The following CTTNBP2NL variants were observed in gnomAD, a reference collection of about 807,000 sequenced individuals.
CTTNBP2NL encodes CTTNBP2 N-terminal-like protein.
Under a neutral mutation model 32.5 loss-of-function variants are expected in CTTNBP2NL, and 16 were observed. That is an observed-to-expected ratio of 0.49 (90% CI 0.33 to 0.75). The LOEUF (loss-of-function observed/expected upper bound fraction) is 0.75, where lower values mean the gene tolerates loss of function less well. Ranked by LOEUF, CTTNBP2NL falls within the 30% of genes least tolerant of loss-of-function variation. CTTNBP2NL has a pLI of 0.02. For synonymous variants in CTTNBP2NL, 298 were observed against 289.4 expected, an observed-to-expected ratio of 1.03 and a Z score of -0.30; for missense variants, 645 against 756.0, an observed-to-expected ratio of 0.85 and a Z score of 1.72.
chr1:112,420,869 C>T (rs891872340), intron 3 of CTTNBP2NL, among the ~76,000 whole-genome samples: 1 of 152,188 alleles, frequency 6.6e-6, no homozygotes, highest in African/African-American at 2.4e-5. Context: ...TCAACCAGAA[C>T]ATTCAATTAA....
chr1:112,448,932 T>G lies in CTTNBP2NL; in HGVS notation c.100-10T>G. 2 of 1,547,704 alleles carry G rather than the reference T, an allele frequency of 1.3e-6. No individual in the cohort carries two copies. The highest frequency in any genetic ancestry group is 8.9e-7 in the Non-Finnish European group (1 of 1,122,546). On this transcript the variant is annotated splice_polypyrimidine_tract_variant and intron_variant, in intron 3 of 5. Transcript: ENST00000271277. ...AAAGCAAGATGCTTATTTTTTTTCC[T>G]CTTTCCCAGGCCCAACACAGAGATA... is the stretch of plus-strand genomic sequence containing the variant.
intron 3 of CTTNBP2NL, among the ~76,000 whole-genome samples, chr1:112,438,633 T>A (rs1200711176): frequency 6.6e-6 from 1 of 152,200 alleles, no homozygotes; most frequent in Admixed American, 6.6e-5. Context: ...CCTTACCTTT[T>A]GCCAGCTTTC....
intron 3 of CTTNBP2NL, among the ~76,000 whole-genome samples, chr1:112,446,681 G>A (rs1006909311): frequency 6.6e-6 from 1 of 152,160 alleles, no homozygotes; most frequent in Non-Finnish European, 1.5e-5. Flanking sequence ...CTCCCAAGTA[G>A]CTGGGGCTAC....
intron 3 of CTTNBP2NL, among the ~76,000 whole-genome samples, chr1:112,436,385 G>A (rs905079058): frequency 1.3e-5 from 2 of 152,174 alleles, no homozygotes; most frequent in African/African-American, 4.8e-5. Flanking sequence ...GAGGGTCTTG[G>A]TTATTCTAAT....
chr1:112,408,220 A>ATTTTTTTTTTTTTTTTTTTTTTTTTTT (rs397981257), intron 1 of CTTNBP2NL, among the ~76,000 whole-genome samples: 8 of 103,762 alleles, frequency 7.7e-5, no homozygotes, highest in African/African-American at 1.7e-4. Context: ...TTTTTTTTTA[A>ATTTTTTTTTTTTTTTTTTTTTTTTTTT]TTTTTTTTTT....
chr1:112,424,983 ATT>A (rs1239412500), intron 3 of CTTNBP2NL, among the ~76,000 whole-genome samples: 22 of 134,290 alleles, frequency 1.6e-4, no homozygotes, highest in East Asian at 2.2e-4. Context: ...GCCCAGCTAA[ATT>A]TTTTTTTTTT....
At chr1:112,419,608 C>T (rs1296817548) in intron 3 of CTTNBP2NL, among the ~76,000 whole-genome samples, 1 of 152,004 alleles carries the variant, frequency 6.6e-6, no homozygotes, top group East Asian at 1.9e-4. Context: ...CTAACATCTG[C>T]CTTTGGTCAC....
rs1650149596 is a variant in CTTNBP2NL at position 112,449,276 on chromosome 1, C to T, written c.330+104C>T. The stretch of plus-strand genomic sequence containing the variant: ...GTTTTTCACAGTAATTCAATTGGGA[C>T]ATCTCACGGGTATCAAAAAGCCCCT... On this transcript the variant is annotated intron_variant, in intron 4 of 5. Coordinates refer to ENST00000271277, the MANE Select transcript of CTTNBP2NL (RefSeq NM_018704.3). 4 of 651,848 alleles carry T rather than the reference C, an allele frequency of 6.1e-6. No individual in the cohort carries two copies. The East Asian group carries it at 1.1e-4, about 18-fold the overall frequency. The allele number at this position is 651,848 out of a possible 1,614,324, so 40.4% of individuals were successfully genotyped here.
chr1:112,449,529 A>C (rs935784532), intron 4 of CTTNBP2NL, among the ~76,000 whole-genome samples: 1 of 151,874 alleles, frequency 6.6e-6, no homozygotes. Flanking sequence ...ATAAATAAAA[A>C]GATTAACAGG....
intron 3 of CTTNBP2NL, among the ~76,000 whole-genome samples, chr1:112,419,298 GT>G (rs1649156245): frequency 6.6e-6 from 1 of 152,056 alleles, no homozygotes; most frequent in Non-Finnish European, 1.5e-5. Flanking sequence ...ACTGTTGTGA[GT>G]TTTTTCAGCC....
At chr1:112,420,293 C>T (rs149840543) in intron 3 of CTTNBP2NL, among the ~76,000 whole-genome samples, 2,764 of 151,288 alleles carry the variant, frequency 0.018, 92 homozygotes, top group African/African-American at 0.063. Context: ...TACAGGCGTG[C>T]GCCACCACAC....
At chr1:112,400,723 C>T (rs192261058) in intron 1 of CTTNBP2NL, among the ~76,000 whole-genome samples, 6 of 152,004 alleles carry the variant, frequency 3.9e-5, no homozygotes, top group Admixed American at 2.6e-4. Flanking sequence ...ACCCGGGAGA[C>T]GGAGGTTGCA....
At chr1:112,412,686 G>A (rs191899760) in intron 2 of CTTNBP2NL, among the ~76,000 whole-genome samples, 15 of 134,966 alleles carry the variant, frequency 1.1e-4, no homozygotes, top group East Asian at 4.9e-4. Flanking sequence ...GCGTGATTTC[G>A]GCTCACTGCC....
chr1:112,434,246 A>G (rs1649662160), intron 3 of CTTNBP2NL, among the ~76,000 whole-genome samples: 1 of 152,160 alleles, frequency 6.6e-6, no homozygotes, highest in Non-Finnish European at 1.5e-5. Context: ...CATATATCCA[A>G]GTGCCTTTTT....
At position 112,411,709 on chromosome 1, in the gene CTTNBP2NL, G is replaced by A. The variant is rs535229600; in HGVS notation, c.-133-485G>A. On this transcript the variant is annotated intron_variant, in intron 1 of 5. Transcript: ENST00000271277. ...GATTTTTTTTTTTTTTTGAGATGGA[G>A]TCTTGCTCTGTCGCCCAGGCTGGAG... is the stretch of plus-strand genomic sequence containing the variant. Among the ~76,000 whole-genome samples the A allele has an allele frequency of 1.3e-4, 19 of 149,708 alleles. No homozygotes were observed. In the South Asian group the frequency reaches 4.0e-3, roughly 31 times the overall value.
intron 3 of CTTNBP2NL, among the ~76,000 whole-genome samples, chr1:112,446,118 A>T (rs1650028189): frequency 6.6e-6 from 1 of 152,162 alleles, no homozygotes; most frequent in African/African-American, 2.4e-5. Context: ...GTAGTATTTC[A>T]GCTGCATAAA....
upstream of CTTNBP2NL, among the ~76,000 whole-genome samples, chr1:112,395,502 C>T (rs1648291914): frequency 6.6e-6 from 1 of 152,152 alleles, no homozygotes; most frequent in Non-Finnish European, 1.5e-5. Flanking sequence ...TATAATGAGG[C>T]CAAGGAAAGA....
At position 112,457,129 on chromosome 1, in the gene CTTNBP2NL, C is replaced by G. The variant is rs764009702; in HGVS notation, c.1637C>G (p.Thr546Arg). 2.2e-5 allele frequency: 35 copies of G among 1,614,052 alleles called. 1 individual carries two copies. The highest frequency in any genetic ancestry group is 1.3e-4 in the Admixed American group (8 of 59,998). Residue 546 changes from threonine (T) to arginine (R), a missense_variant, in exon 6 of 6, where the codon ACA becomes AGA. Physicochemically the swap from Thr to Arg is moderately conservative, Grantham distance 71 (BLOSUM62 -1). Coordinates refer to ENST00000271277, the MANE Select transcript of CTTNBP2NL (RefSeq NM_018704.3). Reference protein sequence around the residue: ...LANTANPRGDTSHSPTPGKVS... With the variant: ...LANTANPRGDRSHSPTPGKVS... ...AACACTGCCAATCCAAGAGGTGACA[C>G]AAGCCATTCACCTACTCCAGGGAAA...
intron 1 of CTTNBP2NL, among the ~76,000 whole-genome samples, chr1:112,399,336 A>AAAG: frequency 6.6e-6 from 1 of 151,796 alleles, no homozygotes; most frequent in Non-Finnish European, 1.5e-5. Flanking sequence ...AAAAAAAAAA[A>AAAG]AAAGAATAGT....
Sources: gnomAD v4.1 joint callset for allele counts (sites outside exome capture counted in the v4.1 genomes callset) on GRCh38, gnomAD v4.1.1 for gene constraint, MANE v1.5 for transcripts, NCBI Gene and HGNC (gene_info 2026-07-23, HGNC 2026-07-21) for gene names.